MSH6: variants seen among roughly 807,000 people sequenced by gnomAD.
The protein encoded by MSH6 is mutS homolog 6, also known as DNA mismatch repair protein Msh6.
Under a neutral mutation model 119.1 loss-of-function variants are expected in MSH6, and 85 were observed. The observed-to-expected ratio is 0.71, with a 90% confidence interval of 0.60 to 0.85. The LOEUF (loss-of-function observed/expected upper bound fraction) is 0.85. MSH6 is among the 40% of genes least tolerant of loss of function. The pLI, the probability that MSH6 is intolerant of heterozygous loss-of-function variation, is 0.00. For synonymous variants in MSH6, 830 were observed against 586.9 expected (o/e 1.41, Z -5.99); for missense variants, 2,163 against 1,655.3 (o/e 1.31, Z -5.32).
chr2:47,806,726 G>T, intron 9 of MSH6, 53 bp from the exon 10 acceptor site: 1 of 1,540,226 alleles, frequency 6.5e-7, no homozygotes, highest in Non-Finnish European at 8.9e-7. Context: ...GGGAAGGGAT[G>T]ATGCACTATG....
At chr2:47,786,424 TCCTGGGTTCC>T (rs1668351400) in intron 1 of MSH6, among the ~76,000 whole-genome samples, 1 of 151,902 alleles carries the variant, frequency 6.6e-6, no homozygotes, top group South Asian at 2.1e-4. Flanking sequence ...AACCTCCGCC[TCCTGGGTTCC>T]AGCGATTCTC....
chr2:47,796,180 A>G (rs1005693207), intron 3 of MSH6, 117 bp downstream of exon 3: 1 of 1,049,694 alleles, frequency 9.5e-7, no homozygotes, highest in Admixed American at 1.9e-5. Context: ...GTATTATTTT[A>G]TTATACATAC....
intron 9 of MSH6, 27 bp downstream of exon 9, chr2:47,806,678 T>A: frequency 6.3e-7 from 1 of 1,596,988 alleles, no homozygotes; most frequent in South Asian, 1.1e-5. Context: ...AATGGAATTA[T>A]AACTAACTGA....
chr2:47,799,306 T>TA lies in MSH6; in HGVS notation c.1324dup (p.Ile442AsnfsTer5). 1 of 1,613,950 alleles carries TA rather than the reference T, an allele frequency of 6.2e-7. No homozygotes were observed. Among genetic ancestry groups the TA allele is most frequent in the Non-Finnish European group, 8.5e-7 (1 of 1,180,026 alleles). ...ATGAGCTGTACCACATGGATGCTCT[T>TA]ATTGGAGTCAGTGAACTGGGGCTGG... is the stretch of plus-strand genomic sequence containing the variant. On this transcript the variant is annotated frameshift_variant, in exon 4 of 10. Coordinates refer to ENST00000234420, the MANE Select transcript of MSH6 (RefSeq NM_000179.3). LOFTEE classifies it high-confidence loss of function.
intron 3 of MSH6, among the ~76,000 whole-genome samples, chr2:47,796,915 G>A (rs1669131572): frequency 6.6e-6 from 1 of 152,172 alleles, no homozygotes; most frequent in Non-Finnish European, 1.5e-5. Flanking sequence ...GAGGCAGAGG[G>A]TGTAGTGAGC....
intron 1 of MSH6, among the ~76,000 whole-genome samples, chr2:47,785,841 T>C (rs918839725): frequency 1.3e-5 from 2 of 152,236 alleles, no homozygotes; most frequent in African/African-American, 4.8e-5. Context: ...GCGTATGTTA[T>C]TTGTTTCTTG....
rs876660656 is a variant in MSH6, at chr2:47,799,522, C to A, written c.1539C>A (p.Ile513=). Residue 513 remains isoleucine (I), a synonymous_variant, in exon 4 of 10, where the codon ATC becomes ATA. Transcript: ENST00000234420. Reference sequence around the variant, plus strand: ...ATGATAGAGTGGTGAGGAGGGAGATCTGTAGGATCATTACCAAGGGTACAC... The same window carrying A: ...ATGATAGAGTGGTGAGGAGGGAGATATGTAGGATCATTACCAAGGGTACAC... ...SKYDRVVRRE[I]CRIITKGTQT... 6.2e-7 allele frequency: 1 copy of A among 1,614,016 alleles called. No homozygotes were observed. Among genetic ancestry groups the A allele is most frequent in the Non-Finnish European group, 8.5e-7 (1 of 1,180,022 alleles).
At chr2:47,807,506 T>C (rs540539639), downstream of MSH6, 4 of 208,594 alleles carry the variant, frequency 1.9e-5, no homozygotes, top group Non-Finnish European at 9.8e-6. Context: ...TTCTCTTTCA[T>C]AGAAAGAACG....
At position 47,795,969 on chromosome 2, in the gene MSH6, G is replaced by T. The variant is rs786204186; in HGVS notation, c.533G>T (p.Arg178Leu). Reference sequence around the variant, plus strand: ...CCTGAAATACTGAGAGCAATGCAACGTGCAGATGAAGCCTTAAATAAAGAC... The same window carrying T: ...CCTGAAATACTGAGAGCAATGCAACTTGCAGATGAAGCCTTAAATAAAGAC... ...AKPEILRAMQ[R>L]ADEALNKDKI... Residue 178 changes from arginine (R) to leucine (L), a missense_variant, in exon 3 of 10, where the codon CGT becomes CTT. Arg to Leu is a moderately radical substitution (Grantham distance 102). Transcript: ENST00000234420. The T allele has an allele frequency of 1.2e-6, 2 of 1,614,132 alleles. No homozygotes were observed. Among genetic ancestry groups the T allele is most frequent in the Middle Eastern group, 1.6e-4 (1 of 6,062 alleles).
chr2:47,791,553 G>A (rs956661127), intron 2 of MSH6, among the ~76,000 whole-genome samples: 4 of 152,062 alleles, frequency 2.6e-5, no homozygotes, highest in African/African-American at 9.7e-5. Flanking sequence ...CCAAACTCCT[G>A]GAACCATAAC....
At chr2:47,790,854 T>G in intron 1 of MSH6, 73 bp from the exon 2 acceptor site, 4 of 1,341,644 alleles carry the variant, frequency 3.0e-6, no homozygotes, top group South Asian at 1.2e-5. Flanking sequence ...TGGAATTGTT[T>G]ATTTGTAGGT....
intron 4 of MSH6, among the ~76,000 whole-genome samples, chr2:47,802,685 A>G (rs1669674167): frequency 6.7e-6 from 1 of 148,274 alleles, no homozygotes; most frequent in African/African-American, 2.5e-5. Flanking sequence ...TTGAATTTGT[A>G]ACACAGTAAC....
At chr2:47,807,622 T>C (rs1670313457), downstream of MSH6, 1 of 220,550 alleles carries the variant, frequency 4.5e-6, no homozygotes. Context: ...ACAAACTACA[T>C]GAGATTAAAG....
At chr2:47,803,354 A>G (rs986304112) in intron 4 of MSH6, 66 bp from the exon 5 acceptor site, 3 of 1,605,136 alleles carry the variant, frequency 1.9e-6, no homozygotes, top group Admixed American at 1.7e-5. Context: ...AAGAAGACCT[A>G]TAAAACACTT....
chr2:47,809,153 G>T (rs368811481), downstream of MSH6: 3 of 1,498,842 alleles, frequency 2.0e-6, no homozygotes, highest in Non-Finnish European at 2.8e-6. Flanking sequence ...ATATTTCTAA[G>T]TTACCTGTAG....
At chr2:47,804,847 A>T in intron 5 of MSH6, 63 bp from the exon 6 acceptor site, 1 of 1,282,042 alleles carries the variant, frequency 7.8e-7, no homozygotes, top group Non-Finnish European at 1.1e-6. Context: ...TTCATAAGAA[A>T]GACAAAAGTT....
intron 3 of MSH6, 44 bp downstream of exon 3, chr2:47,796,107 T>TG (rs1669074641): frequency 1.2e-6 from 2 of 1,603,308 alleles, no homozygotes; most frequent in African/African-American, 2.7e-5. Context: ...GTTAGGGTGA[T>TG]GGGGGAAGAA....
In MSH6 at chr2:47,799,069, T is replaced by C. The variant is rs1057520472; in HGVS notation, c.1086T>C (p.Pro362=). Residue 362 remains proline (P), a synonymous_variant, in exon 4 of 10, where the codon CCT becomes CCC. Coordinates refer to ENST00000234420, the MANE Select transcript of MSH6 (RefSeq NM_000179.3). ...VSGGGDDSSR[P]TVWYHETLEW... The stretch of plus-strand genomic sequence containing the variant: ...GAGGTGGTGATGACAGTAGTCGCCC[T>C]ACTGTTTGGTATCATGAAACTTTAG... The C allele has an allele frequency of 6.2e-7, 1 of 1,614,188 alleles. No individual in the cohort carries two copies.
chr2:47,804,351 G>A (rs964542253), intron 5 of MSH6, among the ~76,000 whole-genome samples: 3 of 152,140 alleles, frequency 2.0e-5, no homozygotes, highest in African/African-American at 7.2e-5. Flanking sequence ...CACAGAACTT[G>A]TAAAGTTTTT....
Sources: allele counts gnomAD v4.1 joint callset (sites outside exome capture counted in the v4.1 genomes callset), GRCh38; gene constraint gnomAD v4.1.1; transcripts MANE v1.5; gene names NCBI Gene and HGNC (gene_info 2026-07-23, HGNC 2026-07-21).